CNOT2: variants seen among roughly 807,000 people sequenced by gnomAD.
The protein encoded by CNOT2 is CC chemokine receptor 4-negative regulator of transcription 2.
Under a neutral mutation model 72.1 loss-of-function variants are expected in CNOT2, and 7 were observed. The observed-to-expected ratio is 0.10, with a 90% CI of 0.06 to 0.18. CNOT2 has a LOEUF of 0.18. CNOT2 is among the 10% of genes least tolerant of loss of function. The pLI, the probability that CNOT2 is intolerant of heterozygous loss-of-function variation, is 1.00. For synonymous variants in CNOT2, 196 were observed against 225.6 expected, an observed-to-expected ratio of 0.87 and a Z score of 1.17; for missense variants, 345 against 660.3, an observed-to-expected ratio of 0.52 and a Z score of 5.23.
At chr12:70,299,400 T>G (rs1873452651) in intron 2 of CNOT2, among the ~76,000 whole-genome samples, 1 of 109,550 alleles carries the variant, frequency 9.1e-6, no homozygotes, top group Non-Finnish European at 1.7e-5. Flanking sequence ...CAGTCCCCGG[T>G]GTGTGATGTT....
At chr12:70,349,533 G>A (rs995320585) in intron 15 of CNOT2, among the ~76,000 whole-genome samples, 6 of 152,044 alleles carry the variant, frequency 3.9e-5, no homozygotes, top group African/African-American at 1.4e-4. Flanking sequence ...TATTTTGTAT[G>A]AGCATTTTTC....
intron 2 of CNOT2, among the ~76,000 whole-genome samples, chr12:70,306,709 A>C (rs963071477): frequency 3.9e-5 from 6 of 152,230 alleles, no homozygotes; most frequent in Non-Finnish European, 8.8e-5. Flanking sequence ...AATAAAGCTG[A>C]CAAATTGTAC....
intron 4 of CNOT2, among the ~76,000 whole-genome samples, chr12:70,321,230 A>T (rs12301372): frequency 0.013 from 2,039 of 151,918 alleles, 46 homozygotes; most frequent in African/African-American, 0.046. Flanking sequence ...TCTTAGATCA[A>T]CTGGAACTGT....
intron 4 of CNOT2, among the ~76,000 whole-genome samples, chr12:70,327,006 G>C (rs370095142): frequency 6.6e-6 from 1 of 151,714 alleles, no homozygotes; most frequent in Non-Finnish European, 1.5e-5. Context: ...TTTTTTGCTG[G>C]TCAGATAACT....
At chr12:70,303,172 T>C (rs1202501486) in intron 2 of CNOT2, among the ~76,000 whole-genome samples, 3 of 152,240 alleles carry the variant, frequency 2.0e-5, no homozygotes, top group Admixed American at 6.5e-5. Flanking sequence ...CTTTATCCAA[T>C]TTGCCAGTCT....
At chr12:70,265,384 G>A (rs10047606) in intron 1 of CNOT2, among the ~76,000 whole-genome samples, 143,620 of 151,462 alleles carry the variant, frequency 0.95, 68,167 homozygotes, top group East Asian at 1. Context: ...TTCTGTAGGT[G>A]TAAGACTTCA....
In CNOT2 at chr12:70,257,046, T is replaced by G. The variant is rs1400472181; in HGVS notation, c.-96+13566T>G. 2.0e-5 allele frequency among the ~76,000 whole-genome samples: 3 copies of G among 152,320 alleles called. No individual in the cohort carries two copies. The East Asian group carries it at 5.8e-4, about 29-fold the overall frequency. On this transcript the variant is annotated intron_variant, in intron 1 of 15. Transcript: ENST00000229195. ...ATTGAACATTTTATTTTTTTTTTAC[T>G]TTTATAAATAGCACTGTGATGAACA...
rs111352351 is a variant in CNOT2, at chr12:70,317,880, G to GA, written c.172-1409dup. ...CACCACAAGACAGGGTGAGAAAATA[G>GA]AAAAAAAAACAAACAAAAATACATG... On this transcript the variant is annotated intron_variant, in intron 3 of 15. Transcript: ENST00000229195. Among the ~76,000 whole-genome samples, 1,017 of 148,822 alleles carry GA rather than the reference G, an allele frequency of 6.8e-3. 7 individuals carry two copies. Among genetic ancestry groups the GA allele is most frequent in the African/African-American group, 0.021 (844 of 40,608 alleles).
chr12:70,243,582 C>G (rs1296513874), intron 1 of CNOT2, 102 bp downstream of exon 1: 1 of 152,016 alleles, frequency 6.6e-6, no homozygotes, highest in Non-Finnish European at 1.5e-5. Flanking sequence ...GGGGCCGGTC[C>G]GGTCGCGCCC....
chr12:70,298,037 T>C (rs1278805049), intron 2 of CNOT2, among the ~76,000 whole-genome samples: 1 of 152,162 alleles, frequency 6.6e-6, no homozygotes, highest in African/African-American at 2.4e-5. Flanking sequence ...CTGCACCTGG[T>C]GGATAATAAT....
intron 1 of CNOT2, among the ~76,000 whole-genome samples, chr12:70,259,892 A>G (rs1294683398): frequency 6.6e-6 from 1 of 152,204 alleles, no homozygotes; most frequent in Non-Finnish European, 1.5e-5. Context: ...AAAAATGTGC[A>G]TGATTTGGAG....
chr12:70,256,172 A>T (rs185306144), intron 1 of CNOT2, among the ~76,000 whole-genome samples: 1 of 152,316 alleles, frequency 6.6e-6, no homozygotes, highest in East Asian at 1.9e-4. Flanking sequence ...TGTATATTCC[A>T]GCCTTGGACC....
In CNOT2 at chr12:70,261,526, C is replaced by T. The variant is rs58461598; in HGVS notation, c.-95-16606C>T. ...AGAGACGGGGTTTCACCATGTTAGC[C>T]AGGATGGTCTCAATCTCCTGACCTC... On this transcript the variant is annotated intron_variant, in intron 1 of 15. Coordinates refer to ENST00000229195, the MANE Select transcript of CNOT2 (RefSeq NM_014515.7). Among the ~76,000 whole-genome samples the T allele has an allele frequency of 7.9e-3, 1,201 of 151,772 alleles. 12 individuals carry two copies. Among genetic ancestry groups the T allele is most frequent in the African/African-American group, 0.028 (1,158 of 41,402 alleles).
At chr12:70,302,857 C>G (rs1185111761) in intron 2 of CNOT2, among the ~76,000 whole-genome samples, 2 of 149,428 alleles carry the variant, frequency 1.3e-5, no homozygotes, top group Admixed American at 1.3e-4. Flanking sequence ...GTCTAAGTCT[C>G]TTTGTAGGTC....
At position 70,331,969 on chromosome 12, in the gene CNOT2, AT is replaced by A. The variant is rs780981551; in HGVS notation, c.570-785del. 1.8e-3 allele frequency among the ~76,000 whole-genome samples: 254 copies of A among 143,718 alleles called. 2 individuals carry two copies. Among genetic ancestry groups the A allele is most frequent in the South Asian group, 2.6e-3 (12 of 4,546 alleles). The allele number at this position is 143,718 out of a possible 152,430, so 94.3% of individuals were successfully genotyped here. A position where few individuals can be genotyped will look rare whatever the true frequency, so the allele number is the denominator to read the frequency against. ...TTGGCCTTGCTCTAAGTTCTGCCTT[AT>A]TTTTTTTTTTTTCTTCACATGCTTA... is the stretch of plus-strand genomic sequence containing the variant. On this transcript the variant is annotated intron_variant, in intron 6 of 15. Coordinates refer to ENST00000229195, the MANE Select transcript of CNOT2 (RefSeq NM_014515.7).
intron 2 of CNOT2, among the ~76,000 whole-genome samples, chr12:70,285,034 T>G (rs1211117008): frequency 6.6e-6 from 1 of 152,248 alleles, no homozygotes; most frequent in Non-Finnish European, 1.5e-5. Context: ...GTAGACTTTA[T>G]ATATGAAATA....
Position 70,282,706 on chromosome 12 carries a change from C to A in CNOT2, c.48+4432C>A, listed in dbSNP as rs1472461945. Among the ~76,000 whole-genome samples the A allele has an allele frequency of 2.6e-5, 4 of 152,180 alleles. No homozygotes were observed. The East Asian group carries it at 5.8e-4, about 22-fold the overall frequency. On this transcript the variant is annotated intron_variant, in intron 2 of 15. Coordinates refer to ENST00000229195, the MANE Select transcript of CNOT2 (RefSeq NM_014515.7). Reference sequence around the variant, plus strand: ...CCATTCTTTCCTCTGCCCTCTTCCCCAGAAGTAATCAATAGTTTTAATTTT... The same window carrying A: ...CCATTCTTTCCTCTGCCCTCTTCCCAAGAAGTAATCAATAGTTTTAATTTT...
intron 1 of CNOT2, among the ~76,000 whole-genome samples, chr12:70,252,361 A>G (rs938931846): frequency 6.6e-6 from 1 of 151,936 alleles, no homozygotes; most frequent in Non-Finnish European, 1.5e-5. Flanking sequence ...AAATTTTTGT[A>G]TCTTTTGTAG....
chr12:70,330,325 A>G lies in CNOT2; in HGVS notation c.425A>G (p.His142Arg). 1 of 1,608,232 alleles carries G rather than the reference A, an allele frequency of 6.2e-7. No individual in the cohort carries two copies. Among genetic ancestry groups the G allele is most frequent in the Non-Finnish European group, 8.5e-7 (1 of 1,175,896 alleles). ...LPMNPRNMMN[H>R]SQVGQGIGIP... Reference sequence around the variant, plus strand: ...ATGAATCCTAGGAATATGATGAACCACTCCCAGGTTGGTCAGGGCATTGGA... The same window carrying G: ...ATGAATCCTAGGAATATGATGAACCGCTCCCAGGTTGGTCAGGGCATTGGA... The change falls in exon 6 of 16, where the codon CAC becomes CGC. Residue 142 changes from histidine to arginine, a missense_variant. Around this residue, in one of 4 missense-constraint regions of CNOT2, gnomAD observed 157 missense variants for 235.3 expected, o/e 0.67. Transcript: ENST00000229195.
Sources: gnomAD v4.1 joint callset for allele counts (sites outside exome capture counted in the v4.1 genomes callset) on GRCh38, gnomAD v4.1.1 for gene constraint, gnomAD v4.1.1 regional missense constraint, MANE v1.5 for transcripts, NCBI Gene and HGNC (gene_info 2026-07-23, HGNC 2026-07-21) for gene names.